PRLR: variants seen among roughly 807,000 people sequenced by gnomAD.
The protein encoded by PRLR is prolactin receptor.
A neutral mutation model predicts 40.2 loss-of-function variants in PRLR; 13 were observed. The ratio of observed to expected loss-of-function variants is 0.32; its 90% confidence interval spans 0.21 to 0.51. The LOEUF (loss-of-function observed/expected upper bound fraction) is 0.51, where lower values mean the gene tolerates loss of function less well. Among genes scored for constraint, PRLR ranks in the 20% least tolerant of loss-of-function variants. PRLR has a pLI of 0.97. For synonymous variants in PRLR, 269 were observed against 278.7 expected (o/e 0.97, Z 0.35); for missense variants, 656 against 747.3 (o/e 0.88, Z 1.42).
At chr5:35,143,252 G>A (rs1479052955) in intron 1 of PRLR, among the ~76,000 whole-genome samples, 1 of 152,286 alleles carries the variant, frequency 6.6e-6, no homozygotes, top group East Asian at 1.9e-4. Flanking sequence ...GACGACTATA[G>A]GAAATATGTT....
rs571286125 is a variant in PRLR at position 35,090,889 on chromosome 5, C to T, written c.-43-1226G>A. On this transcript the variant is annotated intron_variant, in intron 2 of 9. Transcript: ENST00000618457. ...GCAGTGGCGCGATCTGGGCTCACTG[C>T]AAGCTCCGCTTACTGGATTCACGCC... Among the ~76,000 whole-genome samples the T allele has an allele frequency of 3.6e-3, 511 of 140,844 alleles. 3 individuals carry two copies. Among genetic ancestry groups the T allele is most frequent in the Middle Eastern group, 0.021 (5 of 240 alleles). The allele number at this position is 140,844 out of a possible 152,430, so 92.4% of individuals were successfully genotyped here. A position where few individuals can be genotyped will look rare whatever the true frequency, so the allele number is the denominator to read the frequency against.
intron 1 of PRLR, among the ~76,000 whole-genome samples, chr5:35,171,057 T>C (rs1319657154): frequency 6.6e-6 from 1 of 151,904 alleles, no homozygotes; most frequent in Non-Finnish European, 1.5e-5. Context: ...CTGTTTTTTT[T>C]TTTTTTTAAT....
intron 1 of PRLR, among the ~76,000 whole-genome samples, chr5:35,123,269 C>T (rs971214778): frequency 6.6e-6 from 1 of 152,122 alleles, no homozygotes; most frequent in African/African-American, 2.4e-5. Context: ...AGAAAGACAG[C>T]AATTAGTTAA....
At position 35,059,449 on chromosome 5, in the gene PRLR, C is replaced by G. The variant is rs77655073; in HGVS notation, c.*5640G>C. On this transcript the variant is annotated 3_prime_UTR_variant, in exon 10 of 10. Transcript: ENST00000618457. The stretch of plus-strand genomic sequence containing the variant: ...TTGTGAATTATGTACCTCTCTTAGA[C>G]ATAAACTCTTAGACATAAACTCATA... 6.6e-6 allele frequency: 1 copy of G among 152,034 alleles called. No homozygotes were observed. Among genetic ancestry groups the G allele is most frequent in the East Asian group, 1.9e-4 (1 of 5,174 alleles). 9.4% of individuals were successfully genotyped at this position (152,034 alleles called of 1,614,324 possible).
Position 35,065,700 on chromosome 5 carries a change from G to C in PRLR, c.1258C>G (p.Gln420Glu), listed in dbSNP as rs1444901838. 3 of 1,614,210 alleles carry C rather than the reference G, an allele frequency of 1.9e-6. No homozygotes were observed. Among genetic ancestry groups the C allele is most frequent in the Middle Eastern group, 1.6e-4 (1 of 6,062 alleles). Residue 420 changes from glutamine to glutamate, a missense_variant, in exon 10 of 10, where the codon CAG becomes GAG. Coordinates refer to ENST00000618457, the MANE Select transcript of PRLR (RefSeq NM_000949.7). ...GATCTGGGGTTGTGCTGGCTGGGCT[G>C]TGGTAAGGGCCATGTTGAACATTTG... ...GSKCSTWPLP[Q>E]PSQHNPRSSY... is the part of the protein sequence containing the mutation.
chr5:35,067,453 C>T (rs936925788), intron 9 of PRLR, among the ~76,000 whole-genome samples: 6 of 152,064 alleles, frequency 3.9e-5, no homozygotes, highest in South Asian at 4.2e-4. Context: ...CTAGTCCCTG[C>T]TTCGATATTT....
chr5:35,200,370 A>G (rs1579796101), intron 1 of PRLR, among the ~76,000 whole-genome samples: 1 of 152,210 alleles, frequency 6.6e-6, no homozygotes, highest in African/African-American at 2.4e-5. Context: ...GATGAGAGAA[A>G]GTTGCTAGTC....
At chr5:35,222,307 A>G (rs1776444958) in intron 1 of PRLR, among the ~76,000 whole-genome samples, 2 of 8,472 alleles carry the variant, frequency 2.4e-4, no homozygotes, top group Non-Finnish European at 7.4e-4. Context: ...ATCCAAAAGA[A>G]AAAAAAAAAG....
At chr5:35,106,827 A>G (rs1772290193) in intron 2 of PRLR, among the ~76,000 whole-genome samples, 1 of 152,196 alleles carries the variant, frequency 6.6e-6, no homozygotes, top group African/African-American at 2.4e-5. Flanking sequence ...TGACACAGAA[A>G]GTTAACAAGG....
intron 1 of PRLR, among the ~76,000 whole-genome samples, chr5:35,169,486 A>G (rs1486878224): frequency 6.6e-6 from 1 of 152,232 alleles, no homozygotes. Flanking sequence ...GTAAATTAAT[A>G]TTGAAAACAG....
At chr5:35,068,533 T>G (rs1164973376) in intron 8 of PRLR, among the ~76,000 whole-genome samples, 2 of 152,312 alleles carry the variant, frequency 1.3e-5, no homozygotes, top group African/African-American at 2.4e-5. Context: ...TTTTAGCTAC[T>G]CTTGCCAGAT....
intron 1 of PRLR, among the ~76,000 whole-genome samples, chr5:35,164,384 A>G (rs1174062961): frequency 6.6e-6 from 1 of 152,192 alleles, no homozygotes; most frequent in Non-Finnish European, 1.5e-5. Context: ...CAGGGAAGGG[A>G]TCTCTGAATA....
At chr5:35,219,823 TG>T (rs1411975572) in intron 1 of PRLR, among the ~76,000 whole-genome samples, 9 of 152,226 alleles carry the variant, frequency 5.9e-5, no homozygotes, top group Non-Finnish European at 5.9e-5. Flanking sequence ...AAATTCCTAA[TG>T]TTTTTAAATA....
In PRLR at chr5:35,061,633, A is replaced by T. The variant is rs1254297258; in HGVS notation, c.*3456T>A. ...TTAAATATCTGACACAGCTGATATA[A>T]CTTGTGCTTATACACATCTGTTAGA... On this transcript the variant is annotated 3_prime_UTR_variant, in exon 10 of 10. Coordinates refer to ENST00000618457, the MANE Select transcript of PRLR (RefSeq NM_000949.7). The T allele has an allele frequency of 2.6e-5, 4 of 152,228 alleles. No individual in the cohort carries two copies. Among genetic ancestry groups the T allele is most frequent in the African/African-American group, 9.6e-5 (4 of 41,460 alleles). 9.4% of individuals were successfully genotyped at this position (152,228 alleles called of 1,614,324 possible). A position where few individuals can be genotyped will look rare whatever the true frequency, so the allele number is the denominator to read the frequency against.
At chr5:35,132,582 G>C (rs762684887) in intron 1 of PRLR, among the ~76,000 whole-genome samples, 12 of 152,196 alleles carry the variant, frequency 7.9e-5, no homozygotes, top group Non-Finnish European at 7.4e-5. Context: ...ATTCAAAATA[G>C]GAAACACATT....
At position 35,060,599 on chromosome 5, in the gene PRLR, C is replaced by T. The variant is rs1768978882; in HGVS notation, c.*4490G>A. On this transcript the variant is annotated 3_prime_UTR_variant, in exon 10 of 10. Transcript: ENST00000618457. ...AGAGTTTAAAAGACTCATCCCAGGA[C>T]ATAGTGCCTACTTAGTCGTGGTGAT... The T allele has an allele frequency of 6.6e-6, 1 of 152,200 alleles. No homozygotes were observed. The highest frequency in any genetic ancestry group is 1.5e-5 in the Non-Finnish European group (1 of 68,036). The allele number at this position is 152,200 out of a possible 1,614,324, so 9.4% of individuals were successfully genotyped here.
chr5:35,191,800 C>T (rs947668227), intron 1 of PRLR, among the ~76,000 whole-genome samples: 3 of 152,234 alleles, frequency 2.0e-5, no homozygotes, highest in Non-Finnish European at 4.4e-5. Context: ...CTGCCCCCCA[C>T]CACGGGTCTC....
At chr5:35,205,532 T>C (rs901775127) in intron 1 of PRLR, among the ~76,000 whole-genome samples, 2 of 71,212 alleles carry the variant, frequency 2.8e-5, no homozygotes, top group African/African-American at 6.4e-5. Context: ...CAGCATCCCT[T>C]CTATATCTGT....
At chr5:35,091,020 G>A in intron 2 of PRLR, among the ~76,000 whole-genome samples, 1 of 151,662 alleles carries the variant, frequency 6.6e-6, no homozygotes, top group East Asian at 1.9e-4. Flanking sequence ...CACCGTGTTA[G>A]CCAGGATGGT....
Sources: gnomAD v4.1 joint callset for allele counts (sites outside exome capture counted in the v4.1 genomes callset) on GRCh38, gnomAD v4.1.1 for gene constraint, MANE v1.5 for transcripts, NCBI Gene and HGNC (gene_info 2026-07-23, HGNC 2026-07-21) for gene names.